The following PCDHGB3 variants were observed in gnomAD, a reference collection of about 807,000 sequenced individuals.
PCDHGB3 encodes protocadherin gamma-B3.
Under a neutral mutation model 59.2 loss-of-function variants are expected in PCDHGB3, and 40 were observed. The observed-to-expected ratio is 0.68, with a 90% CI of 0.52 to 0.88. The LOEUF (loss-of-function observed/expected upper bound fraction) is 0.88, where lower values mean the gene tolerates loss of function less well. Among genes scored for constraint, PCDHGB3 ranks in the 40% least tolerant of loss-of-function variants. The probability of loss-of-function intolerance (pLI) is 0.00; values close to 1 mark genes in which losing one functional copy is unlikely to be tolerated. For missense variants in PCDHGB3, 1,309 were observed against 1,187.9 expected, an observed-to-expected ratio of 1.10 and a Z score of -1.50; for synonymous variants, 581 against 503.6, an observed-to-expected ratio of 1.15 and a Z score of -2.06.
rs758540898 is a variant in PCDHGB3 at position 141,400,450 on chromosome 5, A to G, written c.2415+27641A>G. The G allele has an allele frequency of 3.7e-6, 6 of 1,613,982 alleles. No homozygotes were observed. The African/African-American group carries it at 5.3e-5, about 14-fold the overall frequency. ...TGAGCAATTGAGTTCAGGACAAGAC[A>G]TACTTTGTGGTGATTCATCTGGGGC... On this transcript the variant is annotated intron_variant, in intron 1 of 3. Transcript: ENST00000576222.
chr5:141,491,964 C>T lies in PCDHGB3; in HGVS notation c.2416-2843C>T, dbSNP rs1382490003. 2.1e-6 allele frequency: 2 copies of T among 943,836 alleles called. No individual in the cohort carries two copies. The highest frequency in any genetic ancestry group is 3.0e-6 in the Non-Finnish European group (2 of 671,104). 58.5% of individuals were successfully genotyped at this position (943,836 alleles called of 1,614,324 possible). On this transcript the variant is annotated intron_variant, in intron 1 of 3. Transcript: ENST00000576222. The surrounding 1 kb of genome is among the most constrained non-coding windows in gnomAD (Gnocchi z 6.9). ...CCCCACCCCTACACTCAAAAAAGGC[C>T]GGGGCCTCCTTCGAGCTTCCGGTGA...
chr5:141,403,004 T>A, intron 1 of PCDHGB3: 1 of 1,613,990 alleles, frequency 6.2e-7, no homozygotes, highest in Non-Finnish European at 8.5e-7. Context: ...CCTGCTATGC[T>A]CGCTCCTGGG....
chr5:141,371,509 A>G lies in PCDHGB3; in HGVS notation c.1115A>G (p.His372Arg), dbSNP rs768507307. Residue 372 changes from histidine (H) to arginine (R), a missense_variant, in exon 1 of 4, where the codon CAT (histidine) becomes CGT (arginine). His to Arg is a conservative substitution (Grantham distance 29). Coordinates refer to ENST00000576222, the MANE Select transcript of PCDHGB3 (RefSeq NM_018924.5). The stretch of plus-strand genomic sequence containing the variant: ...ACTGCCGTTGCCCTGATCAAAACAC[A>G]TGATCTAGATTCTGGATTTAATGGA... ...LGTAVALIKT[H>R]DLDSGFNGEI... 1.9e-6 allele frequency: 3 copies of G among 1,613,878 alleles called. No individual in the cohort carries two copies. The highest frequency in any genetic ancestry group is 2.2e-5 in the South Asian group (2 of 91,074).
At position 141,511,241 on chromosome 5, in the gene PCDHGB3, C is replaced by T; in HGVS notation, c.*68C>T. On this transcript the variant is annotated 3_prime_UTR_variant, in exon 4 of 4. Transcript: ENST00000576222. ...CCAGCCCAGCTTCTCCTTACCTGCA[C>T]CCAGGCCTCAGAGTTTCAGGGCTAA... The T allele has an allele frequency of 2.5e-6, 4 of 1,585,214 alleles. No individual in the cohort carries two copies. Among genetic ancestry groups the T allele is most frequent in the Non-Finnish European group, 3.4e-6 (4 of 1,165,762 alleles).
intron 1 of PCDHGB3, among the ~76,000 whole-genome samples, chr5:141,449,543 C>T (rs377524476): frequency 2.7e-5 from 4 of 147,148 alleles, no homozygotes; most frequent in Non-Finnish European, 4.5e-5. Context: ...GAGCCGAGAT[C>T]GCACCACTGC....
chr5:141,415,411 G>A (rs754595054), intron 1 of PCDHGB3: 45 of 1,614,112 alleles, frequency 2.8e-5, no homozygotes, highest in Non-Finnish European at 3.6e-5. Context: ...GCACTTTGTG[G>A]GCGTGGACGG....
At chr5:141,418,535 G>GC in intron 1 of PCDHGB3, 1 of 1,614,002 alleles carries the variant, frequency 6.2e-7, no homozygotes, top group Non-Finnish European at 8.5e-7. Context: ...AAGCGGTACT[G>GC]CTCAGATAAG....
intron 1 of PCDHGB3, among the ~76,000 whole-genome samples, chr5:141,433,378 T>C (rs1246585250): frequency 6.6e-5 from 10 of 151,072 alleles, no homozygotes. Context: ...TATCTATCTA[T>C]CTATCTATCT....
intron 1 of PCDHGB3, among the ~76,000 whole-genome samples, chr5:141,406,301 A>C (rs1447923303): frequency 6.6e-6 from 1 of 151,966 alleles, no homozygotes; most frequent in Non-Finnish European, 1.5e-5. Context: ...TGAGGTGTGA[A>C]CCACCTCACC....
intron 1 of PCDHGB3, among the ~76,000 whole-genome samples, chr5:141,429,720 A>G (rs571388976): frequency 6.6e-6 from 1 of 152,340 alleles, no homozygotes; most frequent in South Asian, 2.1e-4. Context: ...TACGCTCATG[A>G]AAGTACGTAG....
At position 141,382,875 on chromosome 5, in the gene PCDHGB3, C is replaced by T. The variant is rs531192742; in HGVS notation, c.2415+10066C>T. On this transcript the variant is annotated intron_variant, in intron 1 of 3. Transcript: ENST00000576222. ...TCTGAAGCACTTCCCGAGATCGGCG[C>T]CTAAGCAAGAGAAGCAGGACGACTA... 5 of 1,524,466 alleles carry T rather than the reference C, an allele frequency of 3.3e-6. No individual in the cohort carries two copies. In the East Asian group the frequency reaches 1.1e-4, roughly 35 times the overall value. The allele number at this position is 1,524,466 out of a possible 1,614,324, so 94.4% of individuals were successfully genotyped here. A position where few individuals can be genotyped will look rare whatever the true frequency, so the allele number is the denominator to read the frequency against.
chr5:141,374,078 C>A, intron 1 of PCDHGB3: 1 of 1,516,122 alleles, frequency 6.6e-7, no homozygotes, highest in Non-Finnish European at 8.8e-7. Flanking sequence ...TCCTAATAAG[C>A]CAGTAATGGC....
chr5:141,443,216 C>T (rs758242896), intron 1 of PCDHGB3, among the ~76,000 whole-genome samples: 3 of 151,908 alleles, frequency 2.0e-5, no homozygotes, highest in South Asian at 2.1e-4. Context: ...TCTCGCCAGG[C>T]GCATCTATAA....
In PCDHGB3 at chr5:141,371,867, C is replaced by T. The variant is rs1452583584; in HGVS notation, c.1473C>T (p.Ile491=). 1.9e-6 allele frequency: 3 copies of T among 1,613,430 alleles called. No homozygotes were observed. The highest frequency in any genetic ancestry group is 1.3e-5 in the African/African-American group (1 of 74,954). Residue 491 remains isoleucine (I), a synonymous_variant, in exon 1 of 4, where the codon ATC becomes ATT. Coordinates refer to ENST00000576222, the MANE Select transcript of PCDHGB3 (RefSeq NM_018924.5). ...LGPNGLVSYY[I]VASDLEPREL... ...CTAATGGCCTTGTCTCCTACTACAT[C>T]GTGGCCAGTGACCTGGAGCCGCGGG...
At chr5:141,382,824 A>T in intron 1 of PCDHGB3, 4 of 1,326,118 alleles carry the variant, frequency 3.0e-6, no homozygotes, top group Non-Finnish European at 4.1e-6. Context: ...CCTAAGACAG[A>T]GGGGTCCACC....
At position 141,423,654 on chromosome 5, in the gene PCDHGB3, T is replaced by C. The variant is rs768410507; in HGVS notation, c.2415+50845T>C. The C allele has an allele frequency of 6.3e-6, 10 of 1,583,982 alleles. No individual in the cohort carries two copies. The Admixed American group carries it at 1.8e-4, about 28-fold the overall frequency. ...TTTTAGGCAAATGTGACCCGACAAG[T>C]AATCAGGTGAGATTTATTTCTCTGC... On this transcript the variant is annotated intron_variant, in intron 1 of 3. Transcript: ENST00000576222.
At chr5:141,488,389 A>G (rs1322717951) in intron 1 of PCDHGB3, among the ~76,000 whole-genome samples, 1 of 152,224 alleles carries the variant, frequency 6.6e-6, no homozygotes, top group East Asian at 1.9e-4. Context: ...GAATTTGGTG[A>G]AACCATGAAA....
chr5:141,371,315 G>A lies in PCDHGB3; in HGVS notation c.921G>A (p.Leu307=). The change falls in exon 1 of 4, where the codon CTG becomes CTA. Residue 307 remains leucine (L), a synonymous_variant. Transcript: ENST00000576222. ...KTGELTTIGE[L]DFEERDSYTI... is the part of the protein sequence containing the mutation. ...GGGAACTCACCACTATTGGAGAACT[G>A]GACTTTGAAGAGAGAGATAGCTACA... 1 of 1,613,958 alleles carries A rather than the reference G, an allele frequency of 6.2e-7. No individual in the cohort carries two copies. The highest frequency in any genetic ancestry group is 8.5e-7 in the Non-Finnish European group (1 of 1,179,878).
chr5:141,468,274 G>A (rs1461428449), intron 1 of PCDHGB3, among the ~76,000 whole-genome samples: 1 of 144,906 alleles, frequency 6.9e-6, no homozygotes, highest in Non-Finnish European at 1.5e-5. Flanking sequence ...GTGGTGAGCC[G>A]AGACCACGCC....
Sources: allele counts gnomAD v4.1 joint callset (sites outside exome capture counted in the v4.1 genomes callset), GRCh38; gene constraint gnomAD v4.1.1; non-coding constraint Gnocchi (gnomAD v3.1); transcripts MANE v1.5; gene names NCBI Gene and HGNC (gene_info 2026-07-23, HGNC 2026-07-21).